ADGRE3: variants seen among roughly 807,000 people sequenced by gnomAD.
The protein encoded by ADGRE3 is adhesion G protein-coupled receptor E3.
A neutral mutation model predicts 80.1 loss-of-function variants in ADGRE3; 88 were observed. That is an observed-to-expected ratio of 1.10 (90% CI 0.93 to 1.31). The LOEUF is 1.31. Among genes scored for constraint, ADGRE3 ranks in the 40% most tolerant of loss-of-function variants. The pLI is 0.00. For synonymous variants in ADGRE3, 281 were observed against 294.8 expected, an observed-to-expected ratio of 0.95 and a Z score of 0.48; for missense variants, 715 against 776.5, an observed-to-expected ratio of 0.92 and a Z score of 0.94.
rs1338319830 is a variant in ADGRE3, at chr19:14,632,791, T to C, written c.1643+130A>G. On this transcript the variant is annotated intron_variant, in intron 13 of 15. Transcript: ENST00000253673. ...CTAGCTAACTCAGGTTCTCATTAAC[T>C]GTGATGGTGGAAGATTACAGTGGTC... The C allele has an allele frequency of 8.4e-6, 5 of 597,394 alleles. No individual in the cohort carries two copies. In the Admixed American group the frequency reaches 1.4e-4, roughly 16 times the overall value. The allele number at this position is 597,394 out of a possible 1,614,324, so 37.0% of individuals were successfully genotyped here.
chr19:14,617,389 T>TCTTC (rs2075088105), downstream of ADGRE3, among the ~76,000 whole-genome samples: 1 of 138,024 alleles, frequency 7.2e-6, no homozygotes, highest in African/African-American at 2.6e-5. Context: ...TTTCTTTCTT[T>TCTTC]CTTTCTTTCT....
chr19:14,668,641 T>C, intron 2 of ADGRE3, 161 bp downstream of exon 2: 1 of 579,706 alleles, frequency 1.7e-6, no homozygotes, highest in Non-Finnish European at 3.1e-6. Flanking sequence ...CCATATTTGA[T>C]ATAATGATAA....
chr19:14,634,729 C>T (rs964984076), intron 11 of ADGRE3, among the ~76,000 whole-genome samples: 1 of 152,150 alleles, frequency 6.6e-6, no homozygotes, highest in Admixed American at 6.6e-5. Context: ...TGGGACCTAA[C>T]TCTTGTGATC....
At chr19:14,643,336 G>A (rs992278718) in intron 9 of ADGRE3, among the ~76,000 whole-genome samples, 1 of 151,324 alleles carries the variant, frequency 6.6e-6, no homozygotes, top group Non-Finnish European at 1.5e-5. Flanking sequence ...AGTAGAGATG[G>A]GGTTTCACCA....
intron 9 of ADGRE3, 86 bp downstream of exon 9, chr19:14,644,022 T>G: frequency 9.8e-6 from 5 of 511,188 alleles, no homozygotes; most frequent in Non-Finnish European, 1.3e-5. Context: ...TTTTTCAGTT[T>G]TTTTTTTTTT....
intron 14 of ADGRE3, 134 bp from the exon 15 acceptor site, chr19:14,625,733 T>C (rs776811076): frequency 6.9e-5 from 43 of 626,090 alleles, no homozygotes; most frequent in Non-Finnish European, 1.2e-4. Context: ...ATTCGTACAA[T>C]GGAATATTAC....
At chr19:14,630,875 ATT>A (rs1181402897) in intron 13 of ADGRE3, among the ~76,000 whole-genome samples, 11 of 151,794 alleles carry the variant, frequency 7.2e-5, no homozygotes, top group Non-Finnish European at 8.8e-5. Flanking sequence ...CACTCTTATC[ATT>A]TATAGACAGG....
intron 8 of ADGRE3, among the ~76,000 whole-genome samples, chr19:14,646,792 A>T (rs923869854): frequency 7.4e-5 from 11 of 148,806 alleles, no homozygotes; most frequent in Non-Finnish European, 1.0e-4. Flanking sequence ...TCTTCTTCCG[A>T]CAGTGTCTTG....
At chr19:14,609,765 G>C in the ADGRE3 span, among the ~76,000 whole-genome samples, 1 of 151,910 alleles carries the variant, frequency 6.6e-6, no homozygotes, top group Non-Finnish European at 1.5e-5. Flanking sequence ...TTGAACCCAG[G>C]AGACAGAGGT....
intron 2 of ADGRE3, among the ~76,000 whole-genome samples, chr19:14,665,457 A>C (rs912809742): frequency 1.3e-5 from 2 of 152,012 alleles, no homozygotes; most frequent in African/African-American, 4.8e-5. Flanking sequence ...TTGACCGTGC[A>C]CGCAAGTCTT....
the ADGRE3 span, among the ~76,000 whole-genome samples, chr19:14,603,750 G>A: frequency 6.6e-6 from 1 of 152,064 alleles, no homozygotes; most frequent in Non-Finnish European, 1.5e-5. Flanking sequence ...ACAGGAGTGA[G>A]CCACCGTGCC....
At chr19:14,644,738 G>A (rs1971353183) in intron 8 of ADGRE3, among the ~76,000 whole-genome samples, 3 of 151,514 alleles carry the variant, frequency 2.0e-5, no homozygotes, top group Non-Finnish European at 4.4e-5. Flanking sequence ...TTGTTTGTTT[G>A]TTTTTGAGAC....
chr19:14,671,914 T>TA (rs777653294), intron 1 of ADGRE3, among the ~76,000 whole-genome samples: 4 of 152,046 alleles, frequency 2.6e-5, no homozygotes, highest in Non-Finnish European at 5.9e-5. Context: ...TGTGGCCAAT[T>TA]AAAAAAAATT....
intron 7 of ADGRE3, 150 bp downstream of exon 7, chr19:14,650,935 C>T: frequency 1.4e-6 from 1 of 721,340 alleles, no homozygotes; most frequent in Non-Finnish European, 2.1e-6. Context: ...GGGAAAATGT[C>T]TTTTTTTTTT....
chr19:14,621,797 C>T lies in ADGRE3; in HGVS notation c.1921-2326G>A, dbSNP rs935958440. 5 of 1,027,242 alleles carry T rather than the reference C, an allele frequency of 4.9e-6. 2 individuals are homozygous for T. The African/African-American group carries it at 1.1e-4, about 23-fold the overall frequency. The allele number at this position is 1,027,242 out of a possible 1,614,324, so 63.6% of individuals were successfully genotyped here. A position where few individuals can be genotyped will look rare whatever the true frequency, so the allele number is the denominator to read the frequency against. ...CTTCCATATCAGCAGTAATGCAAGG[C>T]CAATAAGAACAATTCCAGCAACCAC... On this transcript the variant is annotated intron_variant, in intron 15 of 15. Coordinates refer to ENST00000253673, the MANE Select transcript of ADGRE3 (RefSeq NM_032571.5).
chr19:14,620,577 T>A (rs1232656281), intron 15 of ADGRE3, among the ~76,000 whole-genome samples: 1,776 of 21,030 alleles, frequency 0.084, 332 homozygotes, highest in Non-Finnish European at 0.13. Context: ...TATTTTTTTT[T>A]TTTTTTTTTT....
chr19:14,607,227 CAG>C, the ADGRE3 span: 2 of 321,228 alleles, frequency 6.2e-6, no homozygotes, highest in African/African-American at 4.6e-5. Context: ...TTTTTTGAGA[CAG>C]AGTCTTGCTC....
intron 2 of ADGRE3, among the ~76,000 whole-genome samples, chr19:14,666,841 G>C (rs4273164): frequency 6.6e-6 from 1 of 152,008 alleles, no homozygotes; most frequent in African/African-American, 2.4e-5. Context: ...GCTTAGTTCA[G>C]AGTGAGCTCT....
intron 7 of ADGRE3, among the ~76,000 whole-genome samples, chr19:14,648,236 T>C (rs998639449): frequency 6.6e-6 from 1 of 152,130 alleles, no homozygotes; most frequent in African/African-American, 2.4e-5. Flanking sequence ...CTGGCTCGAA[T>C]CCCTGGCATT....
Sources: gnomAD v4.1 joint callset for allele counts (sites outside exome capture counted in the v4.1 genomes callset) on GRCh38, gnomAD v4.1.1 for gene constraint, MANE v1.5 for transcripts, NCBI Gene and HGNC (gene_info 2026-07-23, HGNC 2026-07-21) for gene names.